RAP1GAP: variants seen among roughly 807,000 people sequenced by gnomAD.
RAP1GAP encodes RAP1 GTPase activating protein, also known as rap1 GTPase-activating protein 1.
A neutral mutation model predicts 87.2 loss-of-function variants in RAP1GAP; 35 were observed. The observed-to-expected ratio is 0.40, with a 90% CI of 0.31 to 0.53. RAP1GAP has a LOEUF of 0.53. RAP1GAP is among the 20% of genes least tolerant of loss of function. The pLI is 0.48. For synonymous variants in RAP1GAP, 375 were observed against 363.9 expected (o/e 1.03, Z -0.35); for missense variants, 734 against 898.9 (o/e 0.82, Z 2.35).
intron 1 of RAP1GAP, chr1:21,651,935 C>A (rs1417702260): frequency 2.2e-6 from 2 of 889,558 alleles, no homozygotes; most frequent in South Asian, 4.9e-5. Flanking sequence ...AGCTCGGATA[C>A]GTCCGCGCCC....
chr1:21,649,695 G>T, intron 2 of RAP1GAP, 66 bp downstream of exon 2: 2 of 1,492,744 alleles, frequency 1.3e-6, no homozygotes, highest in Non-Finnish European at 1.8e-6. Context: ...GGTAGGAATG[G>T]ATTGGGGGTA....
intron 10 of RAP1GAP, among the ~76,000 whole-genome samples, chr1:21,612,349 G>A (rs1464674092): frequency 6.6e-6 from 1 of 152,130 alleles, no homozygotes; most frequent in Non-Finnish European, 1.5e-5. Context: ...TTGACCCCAG[G>A]TCTGTTGGAT....
intron 2 of RAP1GAP, among the ~76,000 whole-genome samples, chr1:21,631,529 T>C (rs1318741216): frequency 3.9e-5 from 6 of 152,100 alleles, no homozygotes; most frequent in Non-Finnish European, 7.4e-5. Flanking sequence ...CTGCTAAAAA[T>C]ACAAAAATTA....
In RAP1GAP at chr1:21,598,512, G is replaced by C; in HGVS notation, c.1777-10C>G. ...AGGATGACACGCTCTCCTGGGGAGGGGGTGGAAAGAGGGAGGGAGGTTAGC... is the reference window on the plus strand; with the variant it reads ...AGGATGACACGCTCTCCTGGGGAGGCGGTGGAAAGAGGGAGGGAGGTTAGC... On this transcript the variant is annotated splice_polypyrimidine_tract_variant and intron_variant, in intron 21 of 24. Transcript: ENST00000374765. 1 of 1,605,856 alleles carries C rather than the reference G, an allele frequency of 6.2e-7. No individual in the cohort carries two copies. Among genetic ancestry groups the C allele is most frequent in the Non-Finnish European group, 8.5e-7 (1 of 1,172,812 alleles).
intron 3 of RAP1GAP, among the ~76,000 whole-genome samples, chr1:21,623,518 C>T (rs1470756366): frequency 6.6e-6 from 1 of 152,172 alleles, no homozygotes; most frequent in African/African-American, 2.4e-5. Context: ...CCCACCAGCT[C>T]AGAGCCATAC....
Position 21,609,147 on chromosome 1 carries a change from G to A in RAP1GAP, c.1072-211C>T, listed in dbSNP as rs976357793. Among the ~76,000 whole-genome samples the A allele has an allele frequency of 1.3e-5, 2 of 152,152 alleles. No individual in the cohort carries two copies. Among genetic ancestry groups the A allele is most frequent in the African/African-American group, 2.4e-5 (1 of 41,438 alleles). ...CCCAGTGCCCTTCATGGCTGCCCAC[G>A]CCTTCGGGAGAGCAAACTCCACAGA... On this transcript the variant is annotated intron_variant, in intron 15 of 24. Coordinates refer to ENST00000374765, the MANE Select transcript of RAP1GAP (RefSeq NM_002885.4). The surrounding 1 kb of genome is among the most constrained non-coding windows in gnomAD (Gnocchi z 4.4).
chr1:21,643,572 A>G (rs943533361), intron 2 of RAP1GAP, among the ~76,000 whole-genome samples: 2 of 127,546 alleles, frequency 1.6e-5, no homozygotes, highest in East Asian at 2.1e-4. Context: ...AAAAAAAAAA[A>G]AAAGAAAAAA....
At chr1:21,616,463 C>A (rs769996814) in intron 7 of RAP1GAP, among the ~76,000 whole-genome samples, 1 of 152,190 alleles carries the variant, frequency 6.6e-6, no homozygotes, top group African/African-American at 2.4e-5. Flanking sequence ...TTTTCACCGA[C>A]GAGGAAAGTT....
chr1:21,612,137 G>C (rs1570658687), intron 10 of RAP1GAP, 28 bp from the exon 11 acceptor site: 1 of 1,504,036 alleles, frequency 6.6e-7, no homozygotes, highest in Non-Finnish European at 9.1e-7. Context: ...GGGTGAAGAG[G>C]CTGCGTGTGC....
In RAP1GAP at chr1:21,613,118, G is replaced by A; in HGVS notation, c.528+58C>T. 1 of 1,482,592 alleles carries A rather than the reference G, an allele frequency of 6.7e-7. No homozygotes were observed. Among genetic ancestry groups the A allele is most frequent in the Non-Finnish European group, 9.4e-7 (1 of 1,060,654 alleles). 91.8% of individuals were successfully genotyped at this position (1,482,592 alleles called of 1,614,324 possible). A position where few individuals can be genotyped will look rare whatever the true frequency, so the allele number is the denominator to read the frequency against. ...GGCACACAGAAGGTGCTTAATAAAT[G>A]CTCAGTCTTCCAGTTACTCACCCAC... On this transcript the variant is annotated intron_variant, in intron 10 of 24. Coordinates refer to ENST00000374765, the MANE Select transcript of RAP1GAP (RefSeq NM_002885.4). This position sits in a 1 kb window ranked among gnomAD's most constrained non-coding sequence, Gnocchi z 4.7.
chr1:21,612,546 C>T (rs1256485565), intron 10 of RAP1GAP, among the ~76,000 whole-genome samples: 1 of 152,176 alleles, frequency 6.6e-6, no homozygotes, highest in Non-Finnish European at 1.5e-5. Context: ...TCCTCCTCAC[C>T]TTAGGCCTCA....
rs976983772 is a variant in RAP1GAP at position 21,603,215 on chromosome 1, C to T, written c.1429-302G>A. 8 of 415,770 alleles carry T rather than the reference C, an allele frequency of 1.9e-5. No homozygotes were observed. Among genetic ancestry groups the T allele is most frequent in the East Asian group, 8.1e-5 (2 of 24,702 alleles). The allele number at this position is 415,770 out of a possible 1,614,324, so 25.8% of individuals were successfully genotyped here. A position where few individuals can be genotyped will look rare whatever the true frequency, so the allele number is the denominator to read the frequency against. On this transcript the variant is annotated intron_variant, in intron 18 of 24. Coordinates refer to ENST00000374765, the MANE Select transcript of RAP1GAP (RefSeq NM_002885.4). This position sits in a 1 kb window ranked among gnomAD's most constrained non-coding sequence, Gnocchi z 6.0. ...GAGGCCGAGTCCTCAGAATGGCTAC[C>T]GCTCCCCGCCCCCCAGGGCTCTGTG...
intron 7 of RAP1GAP, among the ~76,000 whole-genome samples, chr1:21,616,190 C>CACACACACACACACAT (rs758719299): frequency 5.9e-5 from 8 of 136,466 alleles, no homozygotes; most frequent in Admixed American, 3.0e-4. Context: ...CACACACACA[C>CACACACACACACACAT]ATACAATGAC....
In RAP1GAP at chr1:21,634,332, C is replaced by T. The variant is rs539242556; in HGVS notation, c.-112-7935G>A. 5.3e-5 allele frequency among the ~76,000 whole-genome samples: 8 copies of T among 152,264 alleles called. No homozygotes were observed. In the South Asian group the frequency reaches 1.5e-3, roughly 28 times the overall value. On this transcript the variant is annotated intron_variant, in intron 2 of 24. Transcript: ENST00000374765. The surrounding 1 kb of genome is among the most constrained non-coding windows in gnomAD (Gnocchi z 4.1). Reference sequence around the variant, plus strand: ...TCCTAGGACTCTAGAGGGAGCGTGGCGATGGGGTAGAGGAGCGGCAGGGGG... The same window carrying T: ...TCCTAGGACTCTAGAGGGAGCGTGGTGATGGGGTAGAGGAGCGGCAGGGGG...
At chr1:21,638,926 A>AC (rs2095230386) in intron 2 of RAP1GAP, among the ~76,000 whole-genome samples, 1 of 150,444 alleles carries the variant, frequency 6.6e-6, no homozygotes, top group African/African-American at 2.4e-5. Flanking sequence ...GCTGGGTTGC[A>AC]CCCCCATTCT....
intron 2 of RAP1GAP, among the ~76,000 whole-genome samples, chr1:21,627,885 T>C (rs886907008): frequency 6.6e-6 from 1 of 152,080 alleles, no homozygotes; most frequent in African/African-American, 2.4e-5. Context: ...AGGACAGATA[T>C]GGTGGCAGTG....
At position 21,614,003 on chromosome 1, in the gene RAP1GAP, G is replaced by A; in HGVS notation, c.378C>T (p.His126=). ...ACCCTCACCTGAGCAGCAGCCGCAGGTGCTCTTGGTCCCCGATGACATCGT... is the reference window on the plus strand; with the variant it reads ...ACCCTCACCTGAGCAGCAGCCGCAGATGCTCTTGGTCCCCGATGACATCGT... ...LKYDVIGDQE[H]LRLLLRTKCR... Residue 126 remains histidine (H), a synonymous_variant, in exon 8 of 25, where the codon CAC becomes CAT. Transcript: ENST00000374765. The A allele has an allele frequency of 1.2e-6, 2 of 1,610,952 alleles. No individual in the cohort carries two copies. Among genetic ancestry groups the A allele is most frequent in the Non-Finnish European group, 1.7e-6 (2 of 1,177,860 alleles).
chr1:21,637,965 T>C (rs1339450940), intron 2 of RAP1GAP, among the ~76,000 whole-genome samples: 3 of 110,876 alleles, frequency 2.7e-5, no homozygotes, highest in Admixed American at 1.0e-4. Flanking sequence ...CAAAACCCCA[T>C]CTCTACCAAA....
At chr1:21,627,826 T>G (rs533235604) in intron 2 of RAP1GAP, among the ~76,000 whole-genome samples, 1 of 151,936 alleles carries the variant, frequency 6.6e-6, no homozygotes, top group Admixed American at 6.6e-5. Flanking sequence ...CTCCCAGGAG[T>G]GATGGCATCT....
Sources: gnomAD v4.1 joint callset for allele counts (sites outside exome capture counted in the v4.1 genomes callset) on GRCh38, gnomAD v4.1.1 for gene constraint, Gnocchi (gnomAD v3.1) non-coding constraint, MANE v1.5 for transcripts, NCBI Gene and HGNC (gene_info 2026-07-23, HGNC 2026-07-21) for gene names.